PTDSS2: variants seen among roughly 807,000 people sequenced by gnomAD.
PTDSS2 encodes phosphatidylserine synthase 2.
Under a neutral mutation model 64.7 loss-of-function variants are expected in PTDSS2, and 41 were observed. The ratio of observed to expected loss-of-function variants is 0.63; its 90% confidence interval spans 0.49 to 0.82. The LOEUF is 0.82. Among genes scored for constraint, PTDSS2 ranks in the 40% least tolerant of loss-of-function variants. The pLI is 0.00. For missense variants in PTDSS2, 485 were observed against 650.0 expected (o/e 0.75, Z 2.76); for synonymous variants, 297 against 277.8 (o/e 1.07, Z -0.69).
At chr11:449,014 T>C (rs1414077866), upstream of PTDSS2, among the ~76,000 whole-genome samples, 3 of 151,704 alleles carry the variant, frequency 2.0e-5, no homozygotes, top group Non-Finnish European at 4.4e-5. Context: ...GGACATTTCA[T>C]ACAAATGGAT....
chr11:474,164 C>T (rs569495744), intron 3 of PTDSS2, among the ~76,000 whole-genome samples, 187 bp downstream of exon 3: 1 of 152,336 alleles, frequency 6.6e-6, no homozygotes, highest in East Asian at 1.9e-4. Context: ...GCTCCTCCTC[C>T]AACCACCGAG....
At position 470,682 on chromosome 11, in the gene PTDSS2, C is replaced by T. The variant is rs1442426388; in HGVS notation, c.285-3213C>T. The stretch of plus-strand genomic sequence containing the variant: ...TCGGCTCACTGCAACCTCCGCCTCT[C>T]GGGTTCAAGTGATTCTCCTGCCTCA... On this transcript the variant is annotated intron_variant, in intron 2 of 11. Transcript: ENST00000308020. This position sits in a 1 kb window ranked among gnomAD's most constrained non-coding sequence, Gnocchi z 5.3. Among the ~76,000 whole-genome samples the T allele has an allele frequency of 1.3e-5, 2 of 152,062 alleles. No homozygotes were observed. The highest frequency in any genetic ancestry group is 4.8e-5 in the African/African-American group (2 of 41,394).
rs1848661148 is a variant in PTDSS2, at chr11:491,025, C to G, written c.*443C>G. The stretch of plus-strand genomic sequence containing the variant: ...TCACCCAGCCATGGTGTGGTCCAGG[C>G]AGGGACATCTCGGTACCCTTTCTGC... On this transcript the variant is annotated 3_prime_UTR_variant, in exon 12 of 12. Coordinates refer to ENST00000308020, the MANE Select transcript of PTDSS2 (RefSeq NM_030783.3). 1.1e-5 allele frequency: 2 copies of G among 184,884 alleles called. No individual in the cohort carries two copies. The highest frequency in any genetic ancestry group is 2.3e-5 in the Non-Finnish European group (2 of 87,694). The allele number at this position is 184,884 out of a possible 1,614,324, so 11.5% of individuals were successfully genotyped here. A position where few individuals can be genotyped will look rare whatever the true frequency, so the allele number is the denominator to read the frequency against.
chr11:473,266 A>G (rs1436429473), intron 2 of PTDSS2, among the ~76,000 whole-genome samples: 1 of 152,184 alleles, frequency 6.6e-6, no homozygotes, highest in African/African-American at 2.4e-5. Flanking sequence ...TACAGCTCTC[A>G]CGCTTCCATC....
intron 11 of PTDSS2, 33 bp from the exon 12 acceptor site, chr11:490,387 G>A: frequency 6.2e-7 from 1 of 1,612,890 alleles, no homozygotes; most frequent in Non-Finnish European, 8.5e-7. Context: ...GCTGGTGTGG[G>A]GGCAGGTGGT....
At chr11:488,490 C>T (rs1056243889) in intron 7 of PTDSS2, 39 bp from the exon 8 acceptor site, 5 of 1,558,532 alleles carry the variant, frequency 3.2e-6, no homozygotes, top group Non-Finnish European at 4.4e-6. Context: ...GGGCTCGTTA[C>T]CCCTCACCCC....
At chr11:474,230 C>T (rs1291596757) in intron 3 of PTDSS2, among the ~76,000 whole-genome samples, 1 of 152,210 alleles carries the variant, frequency 6.6e-6, no homozygotes, top group Non-Finnish European at 1.5e-5. Flanking sequence ...GGCTCTCCAG[C>T]CCTTCTCTTC....
rs1002513969 is a variant in PTDSS2 at position 462,132 on chromosome 11, C to T, written c.284+1844C>T. Among the ~76,000 whole-genome samples, 3 of 152,150 alleles carry T rather than the reference C, an allele frequency of 2.0e-5. No individual in the cohort carries two copies. Among genetic ancestry groups the T allele is most frequent in the African/African-American group, 7.2e-5 (3 of 41,428 alleles). ...TCCCCGAAAGCATTCACCAGGCCCC[C>T]ACCAGGCGCATCACAAAGCCTCACC... is the stretch of plus-strand genomic sequence containing the variant. On this transcript the variant is annotated intron_variant, in intron 2 of 11. Coordinates refer to ENST00000308020, the MANE Select transcript of PTDSS2 (RefSeq NM_030783.3). The surrounding 1 kb of genome is among the most constrained non-coding windows in gnomAD (Gnocchi z 4.5).
At chr11:486,875 G>A (rs977315950) in intron 4 of PTDSS2, 64 bp from the exon 5 acceptor site, 5 of 1,536,092 alleles carry the variant, frequency 3.3e-6, no homozygotes, top group African/African-American at 2.8e-5. Flanking sequence ...AAACAACCAT[G>A]ATCTCCCGTT....
At chr11:465,038 G>T (rs542603728) in intron 2 of PTDSS2, among the ~76,000 whole-genome samples, 3 of 152,156 alleles carry the variant, frequency 2.0e-5, no homozygotes, top group Non-Finnish European at 4.4e-5. Flanking sequence ...AGGAACAAAG[G>T]CAAGTCCATG....
chr11:485,161 CGT>C lies in PTDSS2; in HGVS notation c.436-1772_436-1771del, dbSNP rs754392481. Among the ~76,000 whole-genome samples, 6 of 102,928 alleles carry C rather than the reference CGT, an allele frequency of 5.8e-5. No homozygotes were observed. In the South Asian group the frequency reaches 1.7e-3, roughly 29 times the overall value. 67.5% of individuals were successfully genotyped at this position (102,928 alleles called of 152,430 possible). A position where few individuals can be genotyped will look rare whatever the true frequency, so the allele number is the denominator to read the frequency against. On this transcript the variant is annotated intron_variant, in intron 4 of 11. Transcript: ENST00000308020. ...GCGCAGGCGAGTGTAAGTGCACGGGCGTGTGTGCTCACTGCGCAGGCGAGTGT... is the reference window on the plus strand; with the variant it reads ...GCGCAGGCGAGTGTAAGTGCACGGGCGTGTGCTCACTGCGCAGGCGAGTGT...
intron 4 of PTDSS2, among the ~76,000 whole-genome samples, chr11:482,223 C>CTTTTT (rs558526140): frequency 1.7e-5 from 2 of 117,364 alleles, no homozygotes; most frequent in South Asian, 2.8e-4. Flanking sequence ...CAAGGATGGG[C>CTTTTT]TTTTTTTTTT....
intron 11 of PTDSS2, 73 bp from the exon 12 acceptor site, chr11:490,347 G>A: frequency 1.3e-6 from 2 of 1,596,834 alleles, no homozygotes; most frequent in South Asian, 1.1e-5. Context: ...CAGGGACTAG[G>A]TGCCAGCTGT....
chr11:479,504 G>T lies in PTDSS2; in HGVS notation c.435+352G>T, dbSNP rs982717090. 4 of 349,460 alleles carry T rather than the reference G, an allele frequency of 1.1e-5. No homozygotes were observed. Among genetic ancestry groups the T allele is most frequent in the Non-Finnish European group, 2.1e-5 (4 of 187,892 alleles). 21.6% of individuals were successfully genotyped at this position (349,460 alleles called of 1,614,324 possible). On this transcript the variant is annotated intron_variant, in intron 4 of 11. Coordinates refer to ENST00000308020, the MANE Select transcript of PTDSS2 (RefSeq NM_030783.3). This position sits in a 1 kb window ranked among gnomAD's most constrained non-coding sequence, Gnocchi z 4.2. ...GCAGGGCCAGTGGTGCAGCTGCCAG[G>T]GTGGCTTTGCCCACAGCTGTCGTAT...
chr11:466,048 C>G (rs2133783064), intron 2 of PTDSS2, among the ~76,000 whole-genome samples: 1 of 152,186 alleles, frequency 6.6e-6, no homozygotes, highest in East Asian at 1.9e-4. Flanking sequence ...TACTTGTATT[C>G]AAAATATGCA....
chr11:450,585 C>T lies in PTDSS2; in HGVS notation c.130C>T (p.Arg44Cys), dbSNP rs1846270108. 1.6e-6 allele frequency: 2 copies of T among 1,243,452 alleles called. No homozygotes were observed. The highest frequency in any genetic ancestry group is 1.6e-5 in the African/African-American group (1 of 64,252). 77.0% of individuals were successfully genotyped at this position (1,243,452 alleles called of 1,614,324 possible). Residue 44 changes from arginine (R) to cysteine (C), a missense_variant, in exon 1 of 12, where the codon CGC (arginine) becomes TGC (cysteine). By Grantham distance (180) the Arg-to-Cys change is radical (BLOSUM62 -3). Coordinates refer to ENST00000308020, the MANE Select transcript of PTDSS2 (RefSeq NM_030783.3). ...AGQATGPGEG[R>C]RSTESEVYDD... ...CCAAGCCACCGGGCCGGGCGAGGGC[C>T]GCCGCAGCACCGAGTCCGAGGTCTA...
chr11:468,707 G>A (rs1590636989), intron 2 of PTDSS2, among the ~76,000 whole-genome samples: 1 of 152,200 alleles, frequency 6.6e-6, no homozygotes, highest in African/African-American at 2.4e-5. Flanking sequence ...GGCTGTGGGA[G>A]GGGAGTCTCT....
At chr11:459,963 C>G in intron 1 of PTDSS2, 1 of 538,370 alleles carries the variant, frequency 1.9e-6, no homozygotes, top group South Asian at 2.2e-5. Flanking sequence ...CGGGGCTCTT[C>G]CTGTCCAGCC....
At position 462,088 on chromosome 11, in the gene PTDSS2, G is replaced by A. The variant is rs1439246708; in HGVS notation, c.284+1800G>A. On this transcript the variant is annotated intron_variant, in intron 2 of 11. Coordinates refer to ENST00000308020, the MANE Select transcript of PTDSS2 (RefSeq NM_030783.3). The surrounding 1 kb of genome is among the most constrained non-coding windows in gnomAD (Gnocchi z 4.5). ...AAGAATTGTCAAGAGCAGGAGTGCA[G>A]GGGGTGTCTTGGGAGCACTCCCCGA... Among the ~76,000 whole-genome samples the A allele has an allele frequency of 2.0e-5, 3 of 152,148 alleles. No homozygotes were observed. Among genetic ancestry groups the A allele is most frequent in the Admixed American group, 2.0e-4 (3 of 15,274 alleles).
Sources: gnomAD v4.1 joint callset for allele counts (sites outside exome capture counted in the v4.1 genomes callset) on GRCh38, gnomAD v4.1.1 for gene constraint, Gnocchi (gnomAD v3.1) non-coding constraint, MANE v1.5 for transcripts, NCBI Gene and HGNC (gene_info 2026-07-23, HGNC 2026-07-21) for gene names.